The following ABHD12B variants were observed in gnomAD, a reference collection of about 807,000 sequenced individuals.
ABHD12B encodes abhydrolase domain containing 12B, also known as protein ABHD12B.
A neutral mutation model predicts 50.4 loss-of-function variants in ABHD12B; 42 were observed. That is an observed-to-expected ratio of 0.83 (90% CI 0.65 to 1.08). The LOEUF (loss-of-function observed/expected upper bound fraction) is 1.08, where lower values mean the gene tolerates loss of function less well. Ranked by LOEUF, ABHD12B falls within the 50% of genes least tolerant of loss-of-function variation. The pLI, the probability that ABHD12B is intolerant of heterozygous loss-of-function variation, is 0.00. For missense variants in ABHD12B, 479 were observed against 447.7 expected (o/e 1.07, Z -0.63); for synonymous variants, 167 against 160.3 (o/e 1.04, Z -0.32).
chr14:50,892,415 C>T lies in ABHD12B; in HGVS notation c.780+3512C>T, dbSNP rs1025539584. On this transcript the variant is annotated intron_variant, in intron 9 of 12. Coordinates refer to ENST00000337334, the MANE Select transcript of ABHD12B (RefSeq NM_001206673.2). ...AAGTCTAGCTTTGGCCTGATTCAGG[C>T]GGGGTGCTAAGCTTTGAAGCAAAGG... The T allele has an allele frequency of 3.6e-5, 35 of 985,326 alleles. No homozygotes were observed. The Admixed American group carries it at 2.0e-3, about 57-fold the overall frequency. The allele number at this position is 985,326 out of a possible 1,614,324, so 61.0% of individuals were successfully genotyped here.
At chr14:50,881,378 G>A (rs2049941050) in intron 4 of ABHD12B, among the ~76,000 whole-genome samples, 1 of 151,286 alleles carries the variant, frequency 6.6e-6, no homozygotes, top group Non-Finnish European at 1.5e-5. Context: ...GGGCTTTTTT[G>A]ATGTGTCCAT....
At chr14:50,902,947 G>C (rs945888401) in intron 10 of ABHD12B, among the ~76,000 whole-genome samples, 5 of 152,186 alleles carry the variant, frequency 3.3e-5, no homozygotes, top group Non-Finnish European at 5.9e-5. Flanking sequence ...TTGCTACAAA[G>C]AGGTCTCTGA....
chr14:50,886,195 T>C (rs1185291824), intron 7 of ABHD12B, among the ~76,000 whole-genome samples: 1 of 152,086 alleles, frequency 6.6e-6, no homozygotes, highest in Non-Finnish European at 1.5e-5. Flanking sequence ...TCTAGCACTT[T>C]GGGAGGCTGA....
intron 5 of ABHD12B, among the ~76,000 whole-genome samples, chr14:50,882,581 C>T (rs1173103899): frequency 1.3e-5 from 2 of 151,564 alleles, no homozygotes; most frequent in African/African-American, 2.4e-5. Flanking sequence ...AGGGTTTCAC[C>T]GTGTTAGCCA....
intron 9 of ABHD12B, among the ~76,000 whole-genome samples, chr14:50,899,307 T>C (rs1430753684): frequency 6.6e-6 from 1 of 152,246 alleles, no homozygotes; most frequent in Non-Finnish European, 1.5e-5. Flanking sequence ...TTACCTATTT[T>C]ATACCCATTT....
At chr14:50,888,208 C>CTTTT (rs11452625) in intron 8 of ABHD12B, among the ~76,000 whole-genome samples, 1 of 142,244 alleles carries the variant, frequency 7.0e-6, no homozygotes, top group Non-Finnish European at 1.5e-5. Context: ...TGCTTTCTTT[C>CTTTT]TTTTTTTTTT....
At chr14:50,885,463 G>A in intron 5 of ABHD12B, 151 bp from the exon 6 acceptor site, 1 of 767,690 alleles carries the variant, frequency 1.3e-6, no homozygotes. Flanking sequence ...TGTTTTTCTA[G>A]GTTCTGCAGT....
At chr14:50,884,303 T>C (rs11157778) in intron 5 of ABHD12B, among the ~76,000 whole-genome samples, 147,530 of 152,354 alleles carry the variant, frequency 0.97, 71,617 homozygotes, top group East Asian at 1. Flanking sequence ...GCAACACACA[T>C]GCATATTCCC....
intron 9 of ABHD12B, 71 bp from the exon 10 acceptor site, chr14:50,901,758 A>T: frequency 1.0e-6 from 1 of 963,142 alleles, no homozygotes; most frequent in Non-Finnish European, 1.5e-6. Flanking sequence ...CCTGGTTCAT[A>T]GTGAAAGACT....
chr14:50,882,144 C>T (rs2049961292), intron 5 of ABHD12B, among the ~76,000 whole-genome samples: 1 of 151,170 alleles, frequency 6.6e-6, no homozygotes, highest in African/African-American at 2.4e-5. Flanking sequence ...CCATGTTGGC[C>T]AGGCTGGTCT....
chr14:50,875,831 C>G (rs2142717428), intron 1 of ABHD12B, among the ~76,000 whole-genome samples: 1 of 152,326 alleles, frequency 6.6e-6, no homozygotes, highest in African/African-American at 2.4e-5. Context: ...TGAATTATTC[C>G]TTAAAAAACA....
intron 1 of ABHD12B, 111 bp downstream of exon 1, chr14:50,872,389 G>A: frequency 2.6e-6 from 2 of 757,200 alleles, no homozygotes; most frequent in South Asian, 6.2e-5. Flanking sequence ...GCTGGCCCGG[G>A]CCCAAGGCCC....
chr14:50,875,955 AG>A lies in ABHD12B; in HGVS notation c.105-1994del, dbSNP rs549295337. 4.3e-4 allele frequency among the ~76,000 whole-genome samples: 65 copies of A among 152,290 alleles called. 1 individual carries two copies. The highest frequency in any genetic ancestry group is 1.5e-3 in the African/African-American group (63 of 41,574). The stretch of plus-strand genomic sequence containing the variant: ...ACAGCTTAGCTGGAGACTAACAGGC[AG>A]GGTGGAGGTGAGTGAGGGGAGCTTA... On this transcript the variant is annotated intron_variant, in intron 1 of 12. Coordinates refer to ENST00000337334, the MANE Select transcript of ABHD12B (RefSeq NM_001206673.2).
chr14:50,886,263 C>A (rs995565430), intron 7 of ABHD12B, among the ~76,000 whole-genome samples: 4 of 151,938 alleles, frequency 2.6e-5, no homozygotes, highest in African/African-American at 9.7e-5. Flanking sequence ...CATGGCCAAA[C>A]CCCATCTTTA....
intron 4 of ABHD12B, 99 bp downstream of exon 4, chr14:50,880,670 C>T: frequency 7.9e-7 from 1 of 1,273,550 alleles, no homozygotes; most frequent in Non-Finnish European, 1.0e-6. Context: ...ACTCTGTAGG[C>T]ATGCCTTCAC....
chr14:50,872,377 C>T, intron 1 of ABHD12B, 99 bp downstream of exon 1: 2 of 876,072 alleles, frequency 2.3e-6, no homozygotes, highest in Admixed American at 4.5e-5. Flanking sequence ...GCAATCCCCT[C>T]TGCTGGCCCG....
chr14:50,886,164 G>A (rs138820315), intron 7 of ABHD12B, among the ~76,000 whole-genome samples: 42 of 152,242 alleles, frequency 2.8e-4, no homozygotes, highest in African/African-American at 9.9e-4. Context: ...TTGGCCAGGC[G>A]GGGTAGCTCA....
Position 50,877,941 on chromosome 14 carries a change from A to G in ABHD12B, c.105-11A>G, listed in dbSNP as rs1350814486. On this transcript the variant is annotated splice_polypyrimidine_tract_variant and intron_variant, in intron 1 of 12. Coordinates refer to ENST00000337334, the MANE Select transcript of ABHD12B (RefSeq NM_001206673.2). ...TTTCGAAAACCTTGTGTGTTTCCCA[A>G]TACCTTGCAGATATTTTCCACACTC... is the stretch of plus-strand genomic sequence containing the variant. The G allele has an allele frequency of 2.0e-6, 3 of 1,507,080 alleles. No individual in the cohort carries two copies. Among genetic ancestry groups the G allele is most frequent in the African/African-American group, 2.8e-5 (2 of 71,456 alleles). The allele number at this position is 1,507,080 out of a possible 1,614,324, so 93.4% of individuals were successfully genotyped here. A position where few individuals can be genotyped will look rare whatever the true frequency, so the allele number is the denominator to read the frequency against.
chr14:50,875,758 T>G (rs1547763), intron 1 of ABHD12B, among the ~76,000 whole-genome samples: 97,669 of 152,098 alleles, frequency 0.64, 31,593 homozygotes, highest in South Asian at 0.73. Flanking sequence ...CTGGTCACTC[T>G]GTTCTCTTCC....
Sources: allele counts gnomAD v4.1 joint callset (sites outside exome capture counted in the v4.1 genomes callset), GRCh38; gene constraint gnomAD v4.1.1; transcripts MANE v1.5; gene names NCBI Gene and HGNC (gene_info 2026-07-23, HGNC 2026-07-21).